The following THSD7A variants were observed in gnomAD, a reference collection of about 807,000 sequenced individuals.
THSD7A encodes the protein thrombospondin type-1 domain-containing protein 7A.
In THSD7A, 96 loss-of-function variants were observed where a neutral mutation model predicts 231.3. The ratio of observed to expected loss-of-function variants is 0.41; its 90% CI spans 0.35 to 0.49. The LOEUF (loss-of-function observed/expected upper bound fraction) is 0.49, where lower values mean the gene tolerates loss of function less well. Ranked by LOEUF, THSD7A falls within the 20% of genes least tolerant of loss-of-function variation. The pLI, the probability that THSD7A is intolerant of heterozygous loss-of-function variation, is 0.05. For missense variants in THSD7A, 2,290 were observed against 2,070.2 expected (o/e 1.11, Z -2.06); for synonymous variants, 940 against 743.3 (o/e 1.26, Z -4.30).
chr7:11,680,162 A>T (rs1783812957), intron 1 of THSD7A, among the ~76,000 whole-genome samples: 1 of 152,144 alleles, frequency 6.6e-6, no homozygotes, highest in South Asian at 2.1e-4. Context: ...AGAAAACTGA[A>T]AGTGGACCCC....
chr7:11,766,009 C>G (rs1783018390), intron 1 of THSD7A, among the ~76,000 whole-genome samples: 1 of 152,078 alleles, frequency 6.6e-6, no homozygotes, highest in African/African-American at 2.4e-5. Flanking sequence ...TTTGAGTGTA[C>G]ACAGTGTCAA....
chr7:11,696,208 A>G (rs1780393112), intron 1 of THSD7A, among the ~76,000 whole-genome samples: 1 of 151,370 alleles, frequency 6.6e-6, no homozygotes, highest in African/African-American at 2.4e-5. Flanking sequence ...TCTGCAGGCA[A>G]TGGGAAATAA....
chr7:11,520,488 C>A (rs1335834633), intron 6 of THSD7A, among the ~76,000 whole-genome samples: 1 of 152,062 alleles, frequency 6.6e-6, no homozygotes, highest in Admixed American at 6.6e-5. Context: ...TATGCATATA[C>A]TGTACACATG....
intron 2 of THSD7A, among the ~76,000 whole-genome samples, chr7:11,628,358 C>A (rs189015508): frequency 6.6e-6 from 1 of 152,170 alleles, no homozygotes; most frequent in African/African-American, 2.4e-5. Flanking sequence ...TTTTTCCACA[C>A]GGAACAATTA....
chr7:11,582,857 A>C (rs558456654), intron 4 of THSD7A, among the ~76,000 whole-genome samples: 7 of 151,936 alleles, frequency 4.6e-5, no homozygotes, highest in African/African-American at 1.4e-4. Context: ...ATTTCACTAC[A>C]TTGTCCCTAG....
intron 1 of THSD7A, among the ~76,000 whole-genome samples, chr7:11,830,873 CT>C (rs1434347206): frequency 1.3e-5 from 2 of 152,168 alleles, no homozygotes; most frequent in East Asian, 1.9e-4. Flanking sequence ...AAATTACCCC[CT>C]AGCTCTAAGC....
At chr7:11,758,039 A>ATATATATATATATATATATATATATAT (rs1583264005) in intron 1 of THSD7A, among the ~76,000 whole-genome samples, 1 of 142,564 alleles carries the variant, frequency 7.0e-6, no homozygotes, top group Non-Finnish European at 1.5e-5. Context: ...ATATATATAT[A>ATATATATATATATATATATATATATAT]ATGTTTCACT....
intron 1 of THSD7A, among the ~76,000 whole-genome samples, chr7:11,809,134 C>T (rs1211445290): frequency 2.6e-5 from 4 of 152,096 alleles, no homozygotes; most frequent in Non-Finnish European, 5.9e-5. Flanking sequence ...ACAAAGATGA[C>T]TAAGACAGCT....
intron 1 of THSD7A, among the ~76,000 whole-genome samples, chr7:11,709,456 T>C (rs765330255): frequency 5.3e-5 from 8 of 150,820 alleles, no homozygotes; most frequent in Non-Finnish European, 1.0e-4. Flanking sequence ...AAATGAGTTA[T>C]GGTGAGTTGA....
chr7:11,474,754 T>G lies in THSD7A; in HGVS notation c.2018-186A>C, dbSNP rs1190720283. 6.6e-6 allele frequency among the ~76,000 whole-genome samples: 1 copy of G among 152,146 alleles called. No individual in the cohort carries two copies. Among genetic ancestry groups the G allele is most frequent in the Admixed American group, 6.6e-5 (1 of 15,258 alleles). ...GATACCTACAGGGGTTAAAAATAGT[T>G]TCTGCTACACTCAAGGATCTCATAA... On this transcript the variant is annotated intron_variant, in intron 7 of 27. Transcript: ENST00000423059. The surrounding 1 kb of genome is among the most constrained non-coding windows in gnomAD (Gnocchi z 4.1).
At position 11,568,624 on chromosome 7, in the gene THSD7A, C is replaced by CAA. The variant is rs33930587; in HGVS notation, c.1453+21834_1453+21835dup. 2.5e-3 allele frequency among the ~76,000 whole-genome samples: 121 copies of CAA among 48,992 alleles called. 2 individuals carry two copies. Among genetic ancestry groups the CAA allele is most frequent in the African/African-American group, 2.8e-3 (46 of 16,174 alleles). 32.1% of individuals were successfully genotyped at this position (48,992 alleles called of 152,430 possible). On this transcript the variant is annotated intron_variant, in intron 4 of 27. Transcript: ENST00000423059. ...TGAGTGACAGAGTGAAACTCCGTCT[C>CAA]AAAAAAAAAAAAAAAAAAAAAAAAA...
chr7:11,415,382 C>T (rs1216062075), intron 17 of THSD7A, among the ~76,000 whole-genome samples: 2 of 152,174 alleles, frequency 1.3e-5, no homozygotes, highest in African/African-American at 4.8e-5. Flanking sequence ...TGGCCTCCCA[C>T]AAACAAGGAC....
Position 11,450,432 on chromosome 7 carries a change from T to C in THSD7A, c.2606-3008A>G, listed in dbSNP as rs539920087. Among the ~76,000 whole-genome samples the C allele has an allele frequency of 1.1e-3, 169 of 152,160 alleles. 4 individuals are homozygous for C. The South Asian group carries it at 0.034, about 31-fold the overall frequency. On this transcript the variant is annotated intron_variant, in intron 11 of 27. Coordinates refer to ENST00000423059, the MANE Select transcript of THSD7A (RefSeq NM_015204.3). ...TTGGAATAAATTACTCATACAATGT[T>C]ATCCAAACAAGCAGCAACAGCACAA...
At chr7:11,594,504 G>A (rs1780285455) in intron 2 of THSD7A, among the ~76,000 whole-genome samples, 1 of 152,104 alleles carries the variant, frequency 6.6e-6, no homozygotes, top group Non-Finnish European at 1.5e-5. Flanking sequence ...GGTGTGAACT[G>A]TTTAGGGAGT....
chr7:11,531,097 G>C (rs571578004), intron 6 of THSD7A, among the ~76,000 whole-genome samples: 2 of 152,234 alleles, frequency 1.3e-5, no homozygotes, highest in South Asian at 4.1e-4. Context: ...CTAGTATAAA[G>C]AAAATAATAC....
chr7:11,428,071 A>G (rs1784375346), intron 14 of THSD7A, among the ~76,000 whole-genome samples: 1 of 152,172 alleles, frequency 6.6e-6, no homozygotes, highest in African/African-American at 2.4e-5. Flanking sequence ...TAATCTGGGA[A>G]GGAAAGTATG....
chr7:11,596,138 C>G (rs373964285), intron 2 of THSD7A, among the ~76,000 whole-genome samples: 3 of 152,188 alleles, frequency 2.0e-5, no homozygotes, highest in East Asian at 1.9e-4. Context: ...AGGCTGGGTC[C>G]CCTTGGGGAA....
chr7:11,641,970 C>G (rs1332638842), intron 1 of THSD7A, among the ~76,000 whole-genome samples: 2 of 151,850 alleles, frequency 1.3e-5, no homozygotes, highest in African/African-American at 4.8e-5. Context: ...TGAAAAGAGA[C>G]CAAATTGAAT....
intron 6 of THSD7A, among the ~76,000 whole-genome samples, chr7:11,520,707 G>A (rs1006913259): frequency 7.9e-5 from 12 of 152,162 alleles, no homozygotes; most frequent in Non-Finnish European, 1.5e-4. Flanking sequence ...GGTATAATTT[G>A]ACTAGAATTT....
Sources: gnomAD v4.1 joint callset for allele counts (sites outside exome capture counted in the v4.1 genomes callset) on GRCh38, gnomAD v4.1.1 for gene constraint, Gnocchi (gnomAD v3.1) non-coding constraint, MANE v1.5 for transcripts, NCBI Gene and HGNC (gene_info 2026-07-23, HGNC 2026-07-21) for gene names.